TMX3: variants seen among roughly 807,000 people sequenced by gnomAD.
TMX3 encodes thioredoxin related transmembrane protein 3.
A neutral mutation model predicts 64.4 loss-of-function variants in TMX3; 40 were observed. The observed-to-expected ratio is 0.62, with a 90% CI of 0.48 to 0.81. The LOEUF is 0.81. Ranked by LOEUF, TMX3 falls within the 30% of genes least tolerant of loss-of-function variation. TMX3 has a pLI of 0.00. For synonymous variants in TMX3, 189 were observed against 175.7 expected (o/e 1.08, Z -0.60); for missense variants, 497 against 534.5 (o/e 0.93, Z 0.69).
Position 68,715,103 on chromosome 18 carries a change from C to T in TMX3, c.-122G>A, listed in dbSNP as rs914276361. 15 of 1,514,638 alleles carry T rather than the reference C, an allele frequency of 9.9e-6. No homozygotes were observed. In the Admixed American group the frequency reaches 2.5e-4, roughly 25 times the overall value. 93.8% of individuals were successfully genotyped at this position (1,514,638 alleles called of 1,614,324 possible). ...CCCGGAGCGGAAGAGAAGCACCGCG[C>T]TAACTACGGGGGCGGGGCTACCCGG... On this transcript the variant is annotated 5_prime_UTR_variant, in exon 1 of 16. Coordinates refer to ENST00000299608, the MANE Select transcript of TMX3 (RefSeq NM_019022.5).
intron 9 of TMX3, chr18:68,688,831 T>C (rs1317485204): frequency 2.0e-5 from 3 of 152,152 alleles, no homozygotes; most frequent in African/African-American, 7.2e-5. Context: ...ATATCGCAAG[T>C]TCTCATTTAT....
chr18:68,682,253 T>C (rs1411581037), intron 13 of TMX3, among the ~76,000 whole-genome samples: 4 of 152,228 alleles, frequency 2.6e-5, no homozygotes, highest in Non-Finnish European at 5.9e-5. Flanking sequence ...TCACTAAATG[T>C]TCACTGAATA....
intron 5 of TMX3, chr18:68,700,943 A>G: frequency 1.0e-6 from 1 of 985,080 alleles, no homozygotes; most frequent in Non-Finnish European, 1.2e-6. Flanking sequence ...CGATGCATTA[A>G]AAACAGCTCT....
intron 10 of TMX3, among the ~76,000 whole-genome samples, chr18:68,684,901 A>C (rs1380047695): frequency 6.6e-6 from 1 of 152,198 alleles, no homozygotes; most frequent in African/African-American, 2.4e-5. Flanking sequence ...TGTAGCTCTA[A>C]AACAATGGTC....
chr18:68,679,679 G>A (rs898057406), intron 14 of TMX3, 148 bp from the exon 15 acceptor site: 2 of 612,644 alleles, frequency 3.3e-6, no homozygotes, highest in Non-Finnish European at 5.5e-6. Flanking sequence ...CATTTACTGT[G>A]TTGTTTTTTG....
chr18:68,683,430 T>C (rs1913636919), intron 12 of TMX3, among the ~76,000 whole-genome samples: 1 of 152,160 alleles, frequency 6.6e-6, no homozygotes, highest in Non-Finnish European at 1.5e-5. Context: ...TTATATTGAC[T>C]GTCTTTTTTT....
At chr18:68,685,492 G>A (rs1297708253) in intron 10 of TMX3, among the ~76,000 whole-genome samples, 1 of 151,922 alleles carries the variant, frequency 6.6e-6, no homozygotes, top group Non-Finnish European at 1.5e-5. Context: ...TGTATTATAT[G>A]CTTCTTTAAT....
intron 6 of TMX3, 80 bp from the exon 7 acceptor site, chr18:68,698,111 T>A: frequency 5.8e-6 from 5 of 867,726 alleles, no homozygotes; most frequent in Non-Finnish European, 9.0e-6. Flanking sequence ...TAACTAATCA[T>A]GTCTCAAGTT....
intron 3 of TMX3, 79 bp from the exon 4 acceptor site, chr18:68,710,223 A>G: frequency 8.0e-7 from 1 of 1,250,590 alleles, no homozygotes; most frequent in Non-Finnish European, 1.0e-6. Context: ...GAATCTTAAT[A>G]TTTAAAGAAT....
Position 68,684,217 on chromosome 18 carries a change from G to A in TMX3, c.821C>T (p.Ala274Val), listed in dbSNP as rs1353053616. The A allele has an allele frequency of 1.2e-6, 2 of 1,611,704 alleles. No homozygotes were observed. The change falls in exon 12 of 16, where the codon GCA becomes GTA. Residue 274 changes from alanine (A) to valine (V), a missense_variant. Around this residue, in one of 3 missense-constraint regions of TMX3, gnomAD observed 360 missense variants for 383.5 expected, o/e 0.94. Transcript: ENST00000299608. ...ATGGAAGAGGTCTCTGTAATCTCTT[G>A]CAACTTCCTGAATAATTGACTTCAA... The part of the protein sequence containing the change: ...TRLKSIIQEV[A>V]RDYRDLFHRD...
chr18:68,692,723 A>G (rs573312047), intron 8 of TMX3, among the ~76,000 whole-genome samples: 1 of 152,318 alleles, frequency 6.6e-6, no homozygotes, highest in South Asian at 2.1e-4. Context: ...AGAGATGACA[A>G]ATATTACTAT....
chr18:68,693,707 G>A (rs1035771622), intron 8 of TMX3, among the ~76,000 whole-genome samples: 5 of 152,046 alleles, frequency 3.3e-5, no homozygotes, highest in African/African-American at 1.2e-4. Flanking sequence ...TGATGATGAC[G>A]GCGGGAGTCA....
chr18:68,702,420 T>G (rs748683210), intron 4 of TMX3, among the ~76,000 whole-genome samples: 12 of 152,180 alleles, frequency 7.9e-5, no homozygotes, highest in Non-Finnish European at 1.3e-4. Context: ...ATGAGAATAG[T>G]TGCTACAATA....
At position 68,695,637 on chromosome 18, in the gene TMX3, T is replaced by C. The variant is rs145149362; in HGVS notation, c.570+1589A>G. 6.6e-3 allele frequency among the ~76,000 whole-genome samples: 998 copies of C among 152,296 alleles called. 4 individuals carry two copies. The highest frequency in any genetic ancestry group is 0.034 in the Middle Eastern group (10 of 294). On this transcript the variant is annotated intron_variant, in intron 8 of 15. Transcript: ENST00000299608. ...CCCTCAATTCATCCCTATTCTTCCA[T>C]ATCAGCAAGCTCTGACAATTCTATC...
chr18:68,694,133 G>A (rs1204168674), intron 8 of TMX3, among the ~76,000 whole-genome samples: 1 of 152,138 alleles, frequency 6.6e-6, no homozygotes, highest in Non-Finnish European at 1.5e-5. Flanking sequence ...ACTGAATGGA[G>A]GGACTGAAGG....
intron 3 of TMX3, 66 bp downstream of exon 3, chr18:68,711,298 T>A: frequency 1.6e-6 from 2 of 1,276,200 alleles, no homozygotes; most frequent in East Asian, 2.5e-5. Context: ...TTGGGTAGAG[T>A]AGAATAGAAA....
At position 68,677,136 on chromosome 18, in the gene TMX3, C is replaced by T; in HGVS notation, c.1162G>A (p.Val388Ile). The T allele has an allele frequency of 6.2e-7, 1 of 1,613,068 alleles. No individual in the cohort carries two copies. The highest frequency in any genetic ancestry group is 2.2e-5 in the East Asian group (1 of 44,824). The part of the protein sequence containing the change: ...GCFLFGLPLG[V>I]ISIMCYGIYT... Reference sequence around the variant, plus strand: ...ATTCCATAGCACATGATACTGATGACACCCAGTGGCAGGCCAAAGAGAAAG... The same window carrying T: ...ATTCCATAGCACATGATACTGATGATACCCAGTGGCAGGCCAAAGAGAAAG... The change falls in exon 16 of 16, where the codon GTC (valine) becomes ATC (isoleucine). Residue 388 changes from valine (V) to isoleucine (I), a missense_variant. Val to Ile is a conservative substitution (Grantham distance 29). Around this residue, in one of 3 missense-constraint regions of TMX3, gnomAD observed 43 missense variants for 75.3 expected, o/e 0.57. Transcript: ENST00000299608.
chr18:68,701,659 GGGA>G (rs2030082723), intron 5 of TMX3, 83 bp downstream of exon 5: 1 of 1,584,742 alleles, frequency 6.3e-7, no homozygotes, highest in Non-Finnish European at 8.6e-7. Flanking sequence ...CAATCCTCCA[GGGA>G]ATCTACTAGA....
intron 2 of TMX3, 48 bp from the exon 3 acceptor site, chr18:68,711,451 T>G: frequency 7.3e-7 from 1 of 1,363,614 alleles, no homozygotes; most frequent in Non-Finnish European, 1.0e-6. Context: ...GTGTCCACTT[T>G]ACAACTGTAT....
Sources: gnomAD v4.1 joint callset for allele counts (sites outside exome capture counted in the v4.1 genomes callset) on GRCh38, gnomAD v4.1.1 for gene constraint, gnomAD v4.1.1 regional missense constraint, MANE v1.5 for transcripts, NCBI Gene and HGNC (gene_info 2026-07-23, HGNC 2026-07-21) for gene names.